QSOX2: variants seen among roughly 807,000 people sequenced by gnomAD.
QSOX2 encodes sulfhydryl oxidase 2.
A neutral mutation model predicts 61.7 loss-of-function variants in QSOX2; 46 were observed. The ratio of observed to expected loss-of-function variants is 0.75; its 90% CI spans 0.59 to 0.95. The LOEUF is 0.95. Ranked by LOEUF, QSOX2 falls within the 40% of genes least tolerant of loss-of-function variation. The pLI, the probability that QSOX2 is intolerant of heterozygous loss-of-function variation, is 0.00. For synonymous variants in QSOX2, 383 were observed against 388.4 expected (o/e 0.99, Z 0.16); for missense variants, 879 against 918.9 (o/e 0.96, Z 0.56).
chr9:136,216,118 A>G (rs1184589358), intron 9 of QSOX2, among the ~76,000 whole-genome samples: 1 of 152,084 alleles, frequency 6.6e-6, no homozygotes, highest in Non-Finnish European at 1.5e-5. Flanking sequence ...GCGAGTAAAC[A>G]CTCTGGGGGC....
chr9:136,216,055 G>A (rs1236385136), intron 9 of QSOX2, among the ~76,000 whole-genome samples: 4 of 152,228 alleles, frequency 2.6e-5, no homozygotes, highest in Admixed American at 2.6e-4. Context: ...AAGATCTGCT[G>A]TGTGCACTGA....
chr9:136,235,227 G>T (rs954925002), intron 1 of QSOX2, among the ~76,000 whole-genome samples: 7 of 152,234 alleles, frequency 4.6e-5, no homozygotes, highest in Non-Finnish European at 1.0e-4. Context: ...GGGGTCAAAG[G>T]CACGAGTGCT....
At chr9:136,230,235 C>CTCT in intron 1 of QSOX2, among the ~76,000 whole-genome samples, 1 of 152,300 alleles carries the variant, frequency 6.6e-6, no homozygotes, top group Non-Finnish European at 1.5e-5. Context: ...GCCAAGATAG[C>CTCT]GCCACTGCAC....
chr9:136,219,985 T>C (rs12351303), intron 6 of QSOX2, among the ~76,000 whole-genome samples: 3,254 of 152,300 alleles, frequency 0.021, 102 homozygotes, highest in African/African-American at 0.069. Context: ...ACAAGCTCAA[T>C]GGCCTCTGTG....
chr9:136,226,860 T>C lies in QSOX2; in HGVS notation c.343A>G (p.Ile115Val), dbSNP rs769809900. Residue 115 changes from isoleucine to valine, a missense_variant, in exon 2 of 12, where the codon ATT becomes GTT. Physicochemically the swap from Ile to Val is conservative, Grantham distance 29 (BLOSUM62 3). Transcript: ENST00000358701. Reference protein sequence around the residue: ...AGDVRDWASAIRVAALDCMEE... With the variant: ...AGDVRDWASAVRVAALDCMEE... ...ATGCAGTCCAGAGCTGCGACGCGAA[T>C]GGCACTGGCCCAGTCTGAAAAGCAG... 1.3e-5 allele frequency: 21 copies of C among 1,613,982 alleles called. No homozygotes were observed. The highest frequency in any genetic ancestry group is 1.0e-4 in the Admixed American group (6 of 60,006).
chr9:136,216,455 T>C (rs1831914290), intron 9 of QSOX2, 145 bp downstream of exon 9: 4 of 1,106,176 alleles, frequency 3.6e-6, no homozygotes, highest in South Asian at 1.5e-5. Context: ...ATGGCCATGA[T>C]GCTGTCGTGG....
chr9:136,239,911 A>G (rs1830421323), intron 1 of QSOX2, among the ~76,000 whole-genome samples: 1 of 152,284 alleles, frequency 6.6e-6, no homozygotes, highest in African/African-American at 2.4e-5. Flanking sequence ...AAGATATGGT[A>G]GTCCATATTA....
intron 1 of QSOX2, among the ~76,000 whole-genome samples, chr9:136,232,085 T>C (rs991294536): frequency 2.0e-5 from 3 of 152,086 alleles, no homozygotes; most frequent in Admixed American, 2.0e-4. Flanking sequence ...CTGGAAACGG[T>C]GGCTTGAAGG....
intron 9 of QSOX2, among the ~76,000 whole-genome samples, chr9:136,215,908 C>G (rs889262637): frequency 6.6e-6 from 1 of 152,204 alleles, no homozygotes; most frequent in Non-Finnish European, 1.5e-5. Flanking sequence ...CTCCCATGAC[C>G]TCGAGCTCGG....
Position 136,208,725 on chromosome 9 carries a change from C to A in QSOX2, c.*3G>T, listed in dbSNP as rs749513367. 37 of 1,599,556 alleles carry A rather than the reference C, an allele frequency of 2.3e-5. No individual in the cohort carries two copies. The highest frequency in any genetic ancestry group is 3.4e-5 in the Admixed American group (2 of 59,442). On this transcript the variant is annotated 3_prime_UTR_variant, in exon 12 of 12. Coordinates refer to ENST00000358701, the MANE Select transcript of QSOX2 (RefSeq NM_181701.4). Reference sequence around the variant, plus strand: ...TCCGCCGTGGCTGGCAGCACCCGGGCACTCACACGGCCGGGTGGTGGTGCT... The same window carrying A: ...TCCGCCGTGGCTGGCAGCACCCGGGAACTCACACGGCCGGGTGGTGGTGCT...
Position 136,208,872 on chromosome 9 carries a change from G to T in QSOX2, c.1953C>A (p.Phe651Leu). The stretch of plus-strand genomic sequence containing the variant: ...CCAGGCTGGAGAAGTCAACCCCGAG[G>T]AAGGGTGCGGCCCCGCCCACCTCCT... ...AHKEVGGAAP[F>L]LGVDFSSLDM... is the part of the protein sequence containing the mutation. The change falls in exon 12 of 12, where the codon TTC (phenylalanine) becomes TTA (leucine). Residue 651 changes from phenylalanine (F) to leucine (L), a missense_variant. Transcript: ENST00000358701. 2 of 1,614,052 alleles carry T rather than the reference G, an allele frequency of 1.2e-6. No individual in the cohort carries two copies.
At chr9:136,232,364 A>G (rs145877605) in intron 1 of QSOX2, among the ~76,000 whole-genome samples, 1 of 152,230 alleles carries the variant, frequency 6.6e-6, no homozygotes, top group Non-Finnish European at 1.5e-5. Context: ...AAATACGCAC[A>G]TTTTTTCAAC....
chr9:136,216,856 C>T (rs1831920341), intron 8 of QSOX2, 134 bp from the exon 9 acceptor site: 1 of 1,129,342 alleles, frequency 8.9e-7, no homozygotes, highest in Non-Finnish European at 1.2e-6. Flanking sequence ...CCTCTCATAA[C>T]TCGGGTTTCT....
At chr9:136,244,118 T>G (rs76574146) in intron 1 of QSOX2, among the ~76,000 whole-genome samples, 9,316 of 152,244 alleles carry the variant, frequency 0.061, 384 homozygotes, top group Middle Eastern at 0.12. Context: ...CAGGGCCACC[T>G]GCATTTTAAT....
intron 1 of QSOX2, among the ~76,000 whole-genome samples, chr9:136,238,619 C>G (rs1282814054): frequency 2.6e-5 from 4 of 152,248 alleles, no homozygotes; most frequent in Non-Finnish European, 5.9e-5. Flanking sequence ...CAGGCCCCAG[C>G]TGCCACGCGC....
At chr9:136,242,711 C>T (rs1415781243) in intron 1 of QSOX2, among the ~76,000 whole-genome samples, 1 of 152,232 alleles carries the variant, frequency 6.6e-6, no homozygotes, top group East Asian at 1.9e-4. Flanking sequence ...CAGGTCTGGG[C>T]TGGGGCTGTG....
intron 11 of QSOX2, chr9:136,210,306 C>T (rs962750330): frequency 3.6e-5 from 35 of 985,494 alleles, no homozygotes; most frequent in Non-Finnish European, 4.1e-5. Context: ...GAGTGGGAAT[C>T]TCAGGAGTGA....
intron 9 of QSOX2, among the ~76,000 whole-genome samples, chr9:136,215,576 A>C (rs962361988): frequency 2.0e-5 from 3 of 152,236 alleles, no homozygotes; most frequent in African/African-American, 7.2e-5. Flanking sequence ...TAAACCAGTA[A>C]TATTAAGCAT....
rs905282599 is a variant in QSOX2, at chr9:136,234,654, C to A, written c.329-7780G>T. ...TGAGGCTGCTGTCACTAAGACCTCT[C>A]CTGTGAACCTCGCATCAGCAGGTGG... is the stretch of plus-strand genomic sequence containing the variant. On this transcript the variant is annotated intron_variant, in intron 1 of 11. Transcript: ENST00000358701. Among the ~76,000 whole-genome samples, 9 of 152,334 alleles carry A rather than the reference C, an allele frequency of 5.9e-5. No homozygotes were observed. In the South Asian group the frequency reaches 1.9e-3, roughly 32 times the overall value.
Sources: allele counts gnomAD v4.1 joint callset (sites outside exome capture counted in the v4.1 genomes callset), GRCh38; gene constraint gnomAD v4.1.1; transcripts MANE v1.5; gene names NCBI Gene and HGNC (gene_info 2026-07-23, HGNC 2026-07-21).